ANOS1: variants seen among roughly 807,000 people sequenced by gnomAD.
ANOS1 encodes anosmin 1, also known as anosmin-1.
ANOS1 carries 6 observed loss-of-function variants against 59.0 expected under a neutral mutation model. The observed-to-expected ratio is 0.10, with a 90% CI of 0.06 to 0.20. The LOEUF (loss-of-function observed/expected upper bound fraction) is 0.20, where lower values mean the gene tolerates loss of function less well. Ranked by LOEUF, ANOS1 falls within the 10% of genes least tolerant of loss-of-function variation. ANOS1 has a pLI of 1.00. For synonymous variants in ANOS1, 217 were observed against 223.4 expected, an observed-to-expected ratio of 0.97 and a Z score of 0.25; for missense variants, 433 against 542.3, an observed-to-expected ratio of 0.80 and a Z score of 2.00.
intron 4 of ANOS1, among the ~76,000 whole-genome samples, chrX:8,592,958 C>T (rs1346021824): frequency 8.9e-6 from 1 of 111,738 alleles, no homozygotes; most frequent in Non-Finnish European, 1.9e-5. Context: ...AGACACCCAT[C>T]GCTTTTAAAA....
Position 8,597,205 on chromosome X carries a change from T to C in ANOS1, c.370A>G (p.Lys124Glu). The stretch of plus-strand genomic sequence containing the variant: ...CCCTGCTTCACCAACAGGATGTATT[T>C]GAGGAACTCACAGCTGGTCAAGCAT... The part of the protein sequence containing the change: ...YECLTSCEFL[K>E]YILLVKQGDC... Residue 124 changes from lysine to glutamate, a missense_variant, in exon 4 of 14, where the codon AAA becomes GAA. By Grantham distance (56) the Lys-to-Glu change is moderately conservative (BLOSUM62 1). Transcript: ENST00000262648. 8.3e-7 allele frequency: 1 copy of C among 1,211,859 alleles called. No individual in the cohort carries two copies. Among genetic ancestry groups the C allele is most frequent in the Non-Finnish European group, 1.1e-6 (1 of 895,469 alleles).
chrX:8,710,416 C>T (rs992382258), intron 1 of ANOS1, among the ~76,000 whole-genome samples: 1 of 111,332 alleles, frequency 9.0e-6, no homozygotes, highest in African/African-American at 3.3e-5. Flanking sequence ...TCTGACCAAG[C>T]CTGTTCTCTA....
At chrX:8,690,767 G>A (rs1453792138) in intron 2 of ANOS1, among the ~76,000 whole-genome samples, 1 of 111,765 alleles carries the variant, frequency 8.9e-6, no homozygotes, top group Admixed American at 9.5e-5. Context: ...ACCTCTAAAC[G>A]TGGTTCTGAA....
chrX:8,709,104 A>G (rs1442894605), intron 1 of ANOS1, among the ~76,000 whole-genome samples: 1 of 108,252 alleles, frequency 9.2e-6, no homozygotes, highest in Non-Finnish European at 1.9e-5. Context: ...TACACACCAG[A>G]GCCTGTCAGG....
chrX:8,604,962 T>G (rs778038752), intron 3 of ANOS1, among the ~76,000 whole-genome samples: 13 of 112,852 alleles, frequency 1.2e-4, no homozygotes, highest in African/African-American at 1.9e-4. Context: ...ATCCTTATTT[T>G]TTAACAAAGG....
At chrX:8,619,192 C>T (rs1931235172) in intron 3 of ANOS1, among the ~76,000 whole-genome samples, 2 of 109,777 alleles carry the variant, frequency 1.8e-5, no homozygotes, top group African/African-American at 6.6e-5. Context: ...TCTATGATTA[C>T]GTGCCATGTT....
At chrX:8,686,097 G>C (rs1025897154) in intron 2 of ANOS1, among the ~76,000 whole-genome samples, 3 of 112,021 alleles carry the variant, frequency 2.7e-5, no homozygotes, top group African/African-American at 9.7e-5. Flanking sequence ...ATTTACAAGA[G>C]GCTCCCATTG....
chrX:8,663,322 AT>A (rs902267830), intron 2 of ANOS1, among the ~76,000 whole-genome samples: 1 of 110,851 alleles, frequency 9.0e-6, no homozygotes, highest in East Asian at 2.8e-4. Flanking sequence ...GTTTCTTTGG[AT>A]TTTTTTTTCA....
At chrX:8,685,620 G>T (rs1932505662) in intron 2 of ANOS1, among the ~76,000 whole-genome samples, 1 of 92,022 alleles carries the variant, frequency 1.1e-5, no homozygotes, top group Non-Finnish European at 2.1e-5. Context: ...AAGAAAGAAA[G>T]AAAGAAAGAA....
chrX:8,676,303 T>C (rs1327636471), intron 2 of ANOS1, among the ~76,000 whole-genome samples: 2 of 112,075 alleles, frequency 1.8e-5, no homozygotes, highest in East Asian at 5.6e-4. Flanking sequence ...ACATAACTAA[T>C]GTGCAACTAC....
At position 8,597,144 on chromosome X, in the gene ANOS1, G is replaced by A. The variant is rs956849244; in HGVS notation, c.431C>T (p.Ala144Val). ...TTCGCAGCTTTCAACACAGGCGGCCGCAAATCCACTGGCTTTCTCAGGAGC... is the reference window on the plus strand; with the variant it reads ...TTCGCAGCTTTCAACACAGGCGGCCACAAATCCACTGGCTTTCTCAGGAGC... ...CPAPEKASGF[A>V]AACVESCEVD... Residue 144 changes from alanine (A) to valine (V), a missense_variant, in exon 4 of 14, where the codon GCG (alanine) becomes GTG (valine). Physicochemically the swap from Ala to Val is moderately conservative, Grantham distance 64. Transcript: ENST00000262648. 16 of 1,209,659 alleles carry A rather than the reference G, an allele frequency of 1.3e-5. No homozygotes were observed. Among genetic ancestry groups the A allele is most frequent in the Admixed American group, 2.2e-5 (1 of 45,685 alleles).
chrX:8,685,433 A>G (rs1242559637), intron 2 of ANOS1, among the ~76,000 whole-genome samples: 1 of 107,827 alleles, frequency 9.3e-6, no homozygotes, highest in South Asian at 4.2e-4. Context: ...CCATAAGAAT[A>G]GAGAGAAAAA....
At chrX:8,624,937 G>A (rs1569066991) in intron 2 of ANOS1, among the ~76,000 whole-genome samples, 2 of 109,209 alleles carry the variant, frequency 1.8e-5, no homozygotes, top group African/African-American at 3.3e-5. Context: ...GTGAAACCCC[G>A]TCTCTACCAA....
intron 4 of ANOS1, among the ~76,000 whole-genome samples, chrX:8,593,551 T>C (rs1347943186): frequency 8.9e-6 from 1 of 112,287 alleles, no homozygotes; most frequent in Non-Finnish European, 1.9e-5. Context: ...AACTCTACAA[T>C]GTAAAACAAT....
intron 2 of ANOS1, among the ~76,000 whole-genome samples, chrX:8,677,598 A>C (rs139195973): frequency 0.017 from 1,870 of 111,734 alleles, 34 homozygotes; most frequent in African/African-American, 0.059. Flanking sequence ...CACAAAGTTA[A>C]GGAAATTAAA....
chrX:8,694,591 C>T (rs1346695766), intron 2 of ANOS1, among the ~76,000 whole-genome samples: 1 of 112,010 alleles, frequency 8.9e-6, no homozygotes, highest in Non-Finnish European at 1.9e-5. Context: ...ATCACTTGAG[C>T]CTGGAAGGCA....
intron 1 of ANOS1, among the ~76,000 whole-genome samples, chrX:8,725,024 A>G (rs1290957512): frequency 8.9e-6 from 1 of 112,110 alleles, no homozygotes. Context: ...AGCTGACTTC[A>G]GAACCCTAAG....
intron 1 of ANOS1, among the ~76,000 whole-genome samples, chrX:8,711,027 CTAA>C (rs1932809509): frequency 8.9e-6 from 1 of 112,232 alleles, no homozygotes; most frequent in Non-Finnish European, 1.9e-5. Flanking sequence ...AGAATTTCCA[CTAA>C]TGTCTGAGGA....
intron 6 of ANOS1, 97 bp downstream of exon 6, chrX:8,585,170 A>C: frequency 1.0e-6 from 1 of 969,570 alleles, no homozygotes; most frequent in Non-Finnish European, 1.5e-6. Flanking sequence ...CCTGTTGACT[A>C]ACTATAAATA....
Sources: gnomAD v4.1 joint callset for allele counts (sites outside exome capture counted in the v4.1 genomes callset) on GRCh38, gnomAD v4.1.1 for gene constraint, MANE v1.5 for transcripts, NCBI Gene and HGNC (gene_info 2026-07-23, HGNC 2026-07-21) for gene names.